The following SLC12A6 variants were observed in gnomAD, a reference collection of about 807,000 sequenced individuals.
SLC12A6 encodes solute carrier family 12 member 6.
Under a neutral mutation model 135.3 loss-of-function variants are expected in SLC12A6, and 66 were observed. That is an observed-to-expected ratio of 0.49 (90% CI 0.40 to 0.60). The LOEUF is 0.60. SLC12A6 is among the 20% of genes least tolerant of loss of function. The pLI is 0.00. For missense variants in SLC12A6, 1,058 were observed against 1,452.3 expected (o/e 0.73, Z 4.41); for synonymous variants, 513 against 508.8 (o/e 1.01, Z -0.11).
chr15:34,314,437 C>G (rs746164607), intron 2 of SLC12A6, among the ~76,000 whole-genome samples: 5 of 152,232 alleles, frequency 3.3e-5, no homozygotes, highest in African/African-American at 1.2e-4. Context: ...CAACAATGCA[C>G]TGGTCACTCA....
intron 2 of SLC12A6, among the ~76,000 whole-genome samples, chr15:34,306,530 C>T (rs950751108): frequency 2.6e-5 from 4 of 152,200 alleles, no homozygotes; most frequent in Admixed American, 6.5e-5. Context: ...AGTTCTCACA[C>T]AGCCCATGGC....
At chr15:34,245,925 T>A in intron 13 of SLC12A6, 58 bp from the exon 14 acceptor site, 1 of 1,391,592 alleles carries the variant, frequency 7.2e-7, no homozygotes, top group Middle Eastern at 1.8e-4. Flanking sequence ...ACTGAAAGAC[T>A]AGAGATATTC....
intron 2 of SLC12A6, among the ~76,000 whole-genome samples, chr15:34,286,945 C>T (rs535251774): frequency 2.8e-4 from 43 of 151,932 alleles, no homozygotes; most frequent in South Asian, 1.7e-3. Flanking sequence ...TAACAATTTG[C>T]TTGAAAAAAG....
intron 2 of SLC12A6, among the ~76,000 whole-genome samples, chr15:34,322,467 A>G (rs1336436766): frequency 1.3e-5 from 2 of 152,238 alleles, no homozygotes. Flanking sequence ...ATTCTAATTC[A>G]TAATTATATG....
At chr15:34,254,617 T>C (rs887690800) in intron 8 of SLC12A6, 28 bp from the exon 9 acceptor site, 2 of 1,557,526 alleles carry the variant, frequency 1.3e-6, no homozygotes, top group Admixed American at 1.7e-5. Flanking sequence ...AGGAGAAAAT[T>C]AGGTTATTTC....
At chr15:34,301,534 T>C (rs1226919457) in intron 2 of SLC12A6, among the ~76,000 whole-genome samples, 1 of 152,190 alleles carries the variant, frequency 6.6e-6, no homozygotes, top group Non-Finnish European at 1.5e-5. Flanking sequence ...CAAGTCTAGA[T>C]ACTAGAAGGA....
At chr15:34,242,758 C>T (rs905814338) in intron 16 of SLC12A6, among the ~76,000 whole-genome samples, 4 of 152,022 alleles carry the variant, frequency 2.6e-5, no homozygotes, top group Non-Finnish European at 4.4e-5. Context: ...GGGCCGGATG[C>T]GGTGGCTCAC....
chr15:34,254,798 T>C (rs532123108), intron 8 of SLC12A6, among the ~76,000 whole-genome samples: 26 of 151,350 alleles, frequency 1.7e-4, no homozygotes, highest in African/African-American at 6.3e-4. Flanking sequence ...CATGCTGTTC[T>C]GAATAACTAC....
chr15:34,313,128 C>T (rs979779550), intron 2 of SLC12A6, among the ~76,000 whole-genome samples: 8 of 152,226 alleles, frequency 5.3e-5, no homozygotes, highest in Admixed American at 2.6e-4. Flanking sequence ...GGACATCTCT[C>T]ACTTTCAATC....
chr15:34,271,205 G>A (rs1354034052), intron 3 of SLC12A6, among the ~76,000 whole-genome samples: 1 of 151,858 alleles, frequency 6.6e-6, no homozygotes, highest in African/African-American at 2.4e-5. Flanking sequence ...CTTTTAATTT[G>A]TTAACATAGT....
At chr15:34,335,542 T>C (rs1890141295) in intron 2 of SLC12A6, among the ~76,000 whole-genome samples, 1 of 152,230 alleles carries the variant, frequency 6.6e-6, no homozygotes, top group Non-Finnish European at 1.5e-5. Context: ...TAAAACTAAA[T>C]ATATAAAGCA....
chr15:34,334,366 G>C (rs975573946), intron 2 of SLC12A6, among the ~76,000 whole-genome samples: 1 of 152,198 alleles, frequency 6.6e-6, no homozygotes, highest in Non-Finnish European at 1.5e-5. Context: ...ATTAAAGCCA[G>C]CCTAGAGGGA....
chr15:34,327,947 C>T (rs1889584147), intron 2 of SLC12A6, among the ~76,000 whole-genome samples: 1 of 152,046 alleles, frequency 6.6e-6, no homozygotes, highest in Admixed American at 6.6e-5. Flanking sequence ...TGACTATAAA[C>T]AGGTGAATGT....
chr15:34,319,935 C>A (rs769835820), intron 2 of SLC12A6, among the ~76,000 whole-genome samples: 1 of 150,984 alleles, frequency 6.6e-6, no homozygotes, highest in East Asian at 1.9e-4. Flanking sequence ...GTTCCTTTAG[C>A]ATACCCTTAA....
In SLC12A6 at chr15:34,254,502, C is replaced by T. The variant is rs75235010; in HGVS notation, c.964G>A (p.Gly322Ser). Residue 322 changes from glycine to serine, a missense_variant, in exon 9 of 26, where the codon GGC becomes AGC. Coordinates refer to ENST00000354181, the MANE Select transcript of SLC12A6 (RefSeq NM_001365088.1). ...ACCATAAGGACCAAGAAAGCTGTGC[C>T]GTAGACACGCATGTTATTTAGCATG... ...AAMLNNMRVY[G>S]TAFLVLMVLV... 241 of 1,613,374 alleles carry T rather than the reference C, an allele frequency of 1.5e-4. 1 individual carries two copies. The East Asian group carries it at 4.8e-3, about 32-fold the overall frequency.
chr15:34,334,098 A>G (rs1231704844), intron 2 of SLC12A6, among the ~76,000 whole-genome samples: 1 of 151,684 alleles, frequency 6.6e-6, no homozygotes, highest in Non-Finnish European at 1.5e-5. Context: ...AAAAAACTTC[A>G]TGTGTCACCT....
At position 34,231,576 on chromosome 15, in the gene SLC12A6, ATTTC is replaced by A. The variant is rs148811864; in HGVS notation, c.*2301_*2304del. 5,331 of 145,070 alleles carry A rather than the reference ATTTC, an allele frequency of 0.037. 121 individuals carry two copies. Among genetic ancestry groups the A allele is most frequent in the African/African-American group, 0.067 (2,642 of 39,296 alleles). 9.0% of individuals were successfully genotyped at this position (145,070 alleles called of 1,614,324 possible). A position where few individuals can be genotyped will look rare whatever the true frequency, so the allele number is the denominator to read the frequency against. ...AAAGGGAACAAATCAAAATTACTCA[ATTTC>A]TTTCTTTCTTTCTTTTTTTTTTTTT... On this transcript the variant is annotated 3_prime_UTR_variant, in exon 26 of 26. Transcript: ENST00000354181.
chr15:34,325,918 A>C (rs1019605606), intron 2 of SLC12A6, among the ~76,000 whole-genome samples: 1 of 152,204 alleles, frequency 6.6e-6, no homozygotes, highest in African/African-American at 2.4e-5. Flanking sequence ...CCAATGCACT[A>C]TAATTAGAGA....
At position 34,285,445 on chromosome 15, in the gene SLC12A6, C is replaced by G. The variant is rs117703414; in HGVS notation, c.272-10056G>C. The stretch of plus-strand genomic sequence containing the variant: ...TAGATGAACAGAGATGCCATTTACC[C>G]TTTACTGAGTTGGAGACTGACAGAG... On this transcript the variant is annotated intron_variant, in intron 2 of 25. Coordinates refer to ENST00000354181, the MANE Select transcript of SLC12A6 (RefSeq NM_001365088.1). Among the ~76,000 whole-genome samples the G allele has an allele frequency of 4.0e-5, 6 of 150,756 alleles. No homozygotes were observed. In the East Asian group the frequency reaches 1.2e-3, roughly 29 times the overall value.
Sources: allele counts gnomAD v4.1 joint callset (sites outside exome capture counted in the v4.1 genomes callset), GRCh38; gene constraint gnomAD v4.1.1; transcripts MANE v1.5; gene names NCBI Gene and HGNC (gene_info 2026-07-23, HGNC 2026-07-21).